CCSER1: variants seen among roughly 807,000 people sequenced by gnomAD.
CCSER1 encodes the protein serine-rich coiled-coil domain-containing protein 1.
CCSER1 carries 41 observed loss-of-function variants against 82.0 expected under a neutral mutation model. The observed-to-expected ratio is 0.50, with a 90% CI of 0.39 to 0.65. CCSER1 has a LOEUF of 0.65. Ranked by LOEUF, CCSER1 falls within the 30% of genes least tolerant of loss-of-function variation. CCSER1 has a pLI of 0.00. For missense variants in CCSER1, 1,119 were observed against 1,064.2 expected (o/e 1.05, Z -0.72); for synonymous variants, 414 against 383.9 (o/e 1.08, Z -0.92).
At chr4:90,275,980 G>C (rs76063397) in intron 1 of CCSER1, among the ~76,000 whole-genome samples, 1 of 152,104 alleles carries the variant, frequency 6.6e-6, no homozygotes, top group African/African-American at 2.4e-5. Context: ...TTTACAGAGA[G>C]CATTAAAAGT....
chr4:90,353,964 T>C (rs1191460443), intron 3 of CCSER1, among the ~76,000 whole-genome samples: 2 of 152,212 alleles, frequency 1.3e-5, no homozygotes, highest in Non-Finnish European at 2.9e-5. Flanking sequence ...ATTGGCTTCC[T>C]TTGAGAGATC....
intron 1 of CCSER1, among the ~76,000 whole-genome samples, chr4:90,252,817 T>C (rs1722636326): frequency 6.6e-6 from 1 of 151,972 alleles, no homozygotes; most frequent in Non-Finnish European, 1.5e-5. Flanking sequence ...TCAATGTGTC[T>C]ATTTCTACTA....
intron 8 of CCSER1, among the ~76,000 whole-genome samples, chr4:90,844,580 T>A (rs1296354931): frequency 1.3e-5 from 2 of 152,086 alleles, no homozygotes; most frequent in Non-Finnish European, 2.9e-5. Context: ...CTAACCCCCT[T>A]CCTTCAAAAA....
At chr4:90,578,409 C>G (rs1781011013) in intron 5 of CCSER1, among the ~76,000 whole-genome samples, 1 of 152,126 alleles carries the variant, frequency 6.6e-6, no homozygotes, top group Non-Finnish European at 1.5e-5. Flanking sequence ...TTTCTGCCAT[C>G]TCGAAAGCCA....
At chr4:90,947,229 T>C (rs1732362955) in intron 9 of CCSER1, among the ~76,000 whole-genome samples, 1 of 152,134 alleles carries the variant, frequency 6.6e-6, no homozygotes, top group African/African-American at 2.4e-5. Context: ...CACTAATGCC[T>C]ACTATTTTAT....
chr4:90,281,123 A>C (rs142926068), intron 1 of CCSER1, among the ~76,000 whole-genome samples: 1 of 152,188 alleles, frequency 6.6e-6, no homozygotes, highest in African/African-American at 2.4e-5. Flanking sequence ...CATAAAAAAG[A>C]ATGAGATAAT....
intron 1 of CCSER1, among the ~76,000 whole-genome samples, chr4:90,164,733 AAG>A (rs1450782382): frequency 6.6e-6 from 1 of 152,146 alleles, no homozygotes; most frequent in Non-Finnish European, 1.5e-5. Flanking sequence ...ACTTTGTCTA[AAG>A]AGTGTGTTTT....
At chr4:91,284,289 T>C (rs964428048) in intron 10 of CCSER1, among the ~76,000 whole-genome samples, 1 of 152,102 alleles carries the variant, frequency 6.6e-6, no homozygotes, top group Non-Finnish European at 1.5e-5. Flanking sequence ...GAAAAGGAAA[T>C]CCATTAAAAG....
intron 10 of CCSER1, among the ~76,000 whole-genome samples, chr4:91,371,221 GCTAT>G (rs1233791362): frequency 1.3e-5 from 2 of 151,996 alleles, no homozygotes; most frequent in Admixed American, 1.3e-4. Context: ...ACTCTGTTGT[GCTAT>G]CTAATACTAC....
intron 5 of CCSER1, among the ~76,000 whole-genome samples, chr4:90,485,248 A>T (rs1271448538): frequency 6.6e-6 from 1 of 152,056 alleles, no homozygotes. Flanking sequence ...GGTGGGAGTG[A>T]CCCAATTTTC....
chr4:91,143,222 A>AT (rs1182395094), intron 10 of CCSER1, among the ~76,000 whole-genome samples: 7 of 146,828 alleles, frequency 4.8e-5, no homozygotes, highest in South Asian at 2.1e-4. Flanking sequence ...GTTTCTAGGT[A>AT]TTTTTTTGTG....
chr4:90,626,785 A>C (rs1723361788), intron 5 of CCSER1, among the ~76,000 whole-genome samples: 1 of 152,186 alleles, frequency 6.6e-6, no homozygotes, highest in African/African-American at 2.4e-5. Flanking sequence ...TGTTGTGAGA[A>C]TTAAATGATT....
intron 5 of CCSER1, among the ~76,000 whole-genome samples, chr4:90,626,291 C>T (rs1232624466): frequency 6.6e-6 from 1 of 152,038 alleles, no homozygotes; most frequent in Non-Finnish European, 1.5e-5. Flanking sequence ...CAGGCAAGTT[C>T]ACAACTTAAA....
intron 4 of CCSER1, among the ~76,000 whole-genome samples, chr4:90,406,612 A>G (rs968618246): frequency 6.6e-6 from 1 of 152,198 alleles, no homozygotes; most frequent in Non-Finnish European, 1.5e-5. Flanking sequence ...AGGCCACTAA[A>G]CAAGTCTCAG....
At chr4:90,837,846 T>C (rs1490643255) in intron 8 of CCSER1, among the ~76,000 whole-genome samples, 1 of 152,130 alleles carries the variant, frequency 6.6e-6, no homozygotes, top group Non-Finnish European at 1.5e-5. Context: ...CAGAAGTAGT[T>C]GTAACCATGA....
intron 1 of CCSER1, among the ~76,000 whole-genome samples, chr4:90,285,735 C>A (rs1349123085): frequency 6.6e-6 from 1 of 151,794 alleles, no homozygotes; most frequent in Non-Finnish European, 1.5e-5. Flanking sequence ...AGAGGAAGGG[C>A]TTTTAGTTTT....
intron 6 of CCSER1, among the ~76,000 whole-genome samples, chr4:90,688,953 GATATAC>G (rs1000802317): frequency 2.0e-5 from 3 of 152,078 alleles, no homozygotes; most frequent in African/African-American, 7.2e-5. Flanking sequence ...GAAGATAGCT[GATATAC>G]ATATATCTGG....
At chr4:90,342,452 G>A (rs1420151367) in intron 3 of CCSER1, among the ~76,000 whole-genome samples, 1 of 152,046 alleles carries the variant, frequency 6.6e-6, no homozygotes, top group Non-Finnish European at 1.5e-5. Context: ...AAGTAATCAT[G>A]CCTACCTTTC....
intron 1 of CCSER1, among the ~76,000 whole-genome samples, chr4:90,229,654 C>A (rs1744029229): frequency 6.6e-6 from 1 of 151,886 alleles, no homozygotes; most frequent in Non-Finnish European, 1.5e-5. Context: ...CTAAATGCTC[C>A]AATTAAAAGA....
Sources: gnomAD v4.1 joint callset for allele counts (sites outside exome capture counted in the v4.1 genomes callset) on GRCh38, gnomAD v4.1.1 for gene constraint, MANE v1.5 for transcripts, NCBI Gene and HGNC (gene_info 2026-07-23, HGNC 2026-07-21) for gene names.